The following PTPRN2 variants were observed in gnomAD, a reference collection of about 807,000 sequenced individuals.
PTPRN2 encodes protein tyrosine phosphatase receptor type N2, also known as receptor-type tyrosine-protein phosphatase N2.
In PTPRN2, 74 loss-of-function variants were observed where a neutral mutation model predicts 118.8. The ratio of observed to expected loss-of-function variants is 0.62; its 90% CI spans 0.52 to 0.76. PTPRN2 has a LOEUF of 0.76. PTPRN2 is among the 30% of genes least tolerant of loss of function. The probability of loss-of-function intolerance (pLI) is 0.00; values close to 1 mark genes in which losing one functional copy is unlikely to be tolerated. For synonymous variants in PTPRN2, 641 were observed against 608.0 expected, an observed-to-expected ratio of 1.05 and a Z score of -0.80; for missense variants, 1,481 against 1,394.4, an observed-to-expected ratio of 1.06 and a Z score of -0.99.
chr7:157,863,627 G>C (rs1415889429), intron 12 of PTPRN2: 1 of 152,264 alleles, frequency 6.6e-6, no homozygotes, highest in East Asian at 1.9e-4. Flanking sequence ...GTGATGGGCT[G>C]AATGCGCCCC....
intron 12 of PTPRN2, among the ~76,000 whole-genome samples, chr7:157,848,242 C>T (rs1286324685): frequency 1.4e-5 from 2 of 145,574 alleles, no homozygotes; most frequent in Admixed American, 1.4e-4. Flanking sequence ...TTTATAGAGC[C>T]CTCTTTCATT....
chr7:158,068,546 A>G lies in PTPRN2; in HGVS notation c.1723+12752T>C, dbSNP rs892148600. Among the ~76,000 whole-genome samples, 4 of 152,354 alleles carry G rather than the reference A, an allele frequency of 2.6e-5. No individual in the cohort carries two copies. In the South Asian group the frequency reaches 6.2e-4, roughly 24 times the overall value. ...TGGTACGGCTTCACTTTAAAAATGC[A>G]TCATCAAACCCCGCAAACCACTGGA... On this transcript the variant is annotated intron_variant, in intron 11 of 22. Coordinates refer to ENST00000389418, the MANE Select transcript of PTPRN2 (RefSeq NM_002847.5).
chr7:157,685,926 C>T (rs1797164863), intron 12 of PTPRN2, among the ~76,000 whole-genome samples: 1 of 152,098 alleles, frequency 6.6e-6, no homozygotes, highest in Non-Finnish European at 1.5e-5. Flanking sequence ...GGGTGGGAGC[C>T]GCCCCAGGCC....
intron 2 of PTPRN2, among the ~76,000 whole-genome samples, chr7:158,479,623 A>G (rs1247560235): frequency 1.3e-5 from 2 of 152,234 alleles, no homozygotes; most frequent in Admixed American, 1.3e-4. Flanking sequence ...GAAAAGCACA[A>G]TGGGTTTGAA....
chr7:158,085,257 A>T (rs1813228574), intron 10 of PTPRN2, among the ~76,000 whole-genome samples: 1 of 122,268 alleles, frequency 8.2e-6, no homozygotes, highest in Non-Finnish European at 1.7e-5. Flanking sequence ...ATCCACACCC[A>T]TGACACCCAT....
intron 1 of PTPRN2, among the ~76,000 whole-genome samples, chr7:158,496,247 G>T (rs1226807711): frequency 1.1e-5 from 1 of 93,054 alleles, no homozygotes; most frequent in Non-Finnish European, 2.1e-5. Flanking sequence ...CCCCTTCCCT[G>T]CACCCCTTCA....
chr7:158,352,202 CTCCCCTCCTGA>C lies in PTPRN2; in HGVS notation c.164-35281_164-35271del. Among the ~76,000 whole-genome samples the C allele has an allele frequency of 5.4e-4, 3 of 5,552 alleles. No individual in the cohort carries two copies. In the African/African-American group the frequency reaches 8.9e-3, roughly 17 times the overall value. 3.6% of individuals were successfully genotyped at this position (5,552 alleles called of 152,430 possible). On this transcript the variant is annotated intron_variant, in intron 2 of 22. Transcript: ENST00000389418. ...CTCCTGTCCGCTCCCCTCCTGACTG[CTCCCCTCCTGA>C]CTGCTCCCCTCCTGTCCGCTCCCCT...
intron 11 of PTPRN2, among the ~76,000 whole-genome samples, chr7:157,935,093 T>C (rs1413248945): frequency 3.3e-5 from 5 of 152,218 alleles, no homozygotes; most frequent in African/African-American, 1.2e-4. Flanking sequence ...CTATCTTTGG[T>C]ATTTTAGCAA....
intron 2 of PTPRN2, among the ~76,000 whole-genome samples, chr7:158,331,568 C>G (rs1171618166): frequency 3.5e-5 from 5 of 141,002 alleles, no homozygotes; most frequent in South Asian, 4.7e-4. Flanking sequence ...AGACGTCACT[C>G]ACACCCACAC....
chr7:158,410,398 A>T (rs1335522266), intron 2 of PTPRN2, among the ~76,000 whole-genome samples: 1 of 152,184 alleles, frequency 6.6e-6, no homozygotes, highest in East Asian at 1.9e-4. Context: ...GACTACAGAC[A>T]GGAGAATTAA....
At chr7:158,266,770 T>C (rs534525176) in intron 3 of PTPRN2, among the ~76,000 whole-genome samples, 54 of 152,220 alleles carry the variant, frequency 3.5e-4, no homozygotes, top group Non-Finnish European at 6.3e-4. Flanking sequence ...GTCTGATAAA[T>C]AATTCAAAGT....
At chr7:158,144,062 C>T (rs1231258634) in intron 6 of PTPRN2, among the ~76,000 whole-genome samples, 2 of 152,180 alleles carry the variant, frequency 1.3e-5, no homozygotes, top group Non-Finnish European at 2.9e-5. Context: ...GTTCCATTAA[C>T]CGTTCTTCTG....
chr7:157,910,573 G>A (rs895635678), intron 11 of PTPRN2, among the ~76,000 whole-genome samples: 2 of 152,376 alleles, frequency 1.3e-5, no homozygotes, highest in Non-Finnish European at 2.9e-5. Flanking sequence ...CACGTACACC[G>A]TTCTGCACAG....
At chr7:158,483,430 G>A (rs934738115) in intron 2 of PTPRN2, among the ~76,000 whole-genome samples, 20 of 152,276 alleles carry the variant, frequency 1.3e-4, no homozygotes, top group African/African-American at 4.6e-4. Flanking sequence ...TCCAAATAGG[G>A]TTAATCACAT....
chr7:158,448,114 G>A (rs1202617027), intron 2 of PTPRN2, among the ~76,000 whole-genome samples: 1 of 152,172 alleles, frequency 6.6e-6, no homozygotes, highest in Non-Finnish European at 1.5e-5. Context: ...TGCTTTCTGG[G>A]ACCACTCCCA....
rs1798321733 is a variant in PTPRN2, at chr7:158,270,806, T to TGGACCACCCCTC, written c.277+46012_277+46013insGAGGGGTGGTCC. Among the ~76,000 whole-genome samples, 10 of 6,414 alleles carry TGGACCACCCCTC rather than the reference T, an allele frequency of 1.6e-3. 1 individual carries two copies. The highest frequency in any genetic ancestry group is 3.3e-3 in the Non-Finnish European group (10 of 3,018). 4.2% of individuals were successfully genotyped at this position (6,414 alleles called of 152,430 possible). A position where few individuals can be genotyped will look rare whatever the true frequency, so the allele number is the denominator to read the frequency against. On this transcript the variant is annotated intron_variant, in intron 3 of 22. Coordinates refer to ENST00000389418, the MANE Select transcript of PTPRN2 (RefSeq NM_002847.5). ...CCACCCCTCCACCTGGACCACCCCC[T>TGGACCACCCCTC]CACCTGGACCGCCCCCTCCACCTGG...
intron 9 of PTPRN2, among the ~76,000 whole-genome samples, chr7:158,121,724 T>G (rs1817191190): frequency 2.0e-5 from 3 of 152,138 alleles, no homozygotes; most frequent in Admixed American, 2.0e-4. Flanking sequence ...AAGCCCAGAA[T>G]GTGTTTGTGA....
At chr7:157,572,005 T>G (rs1017132704) in intron 19 of PTPRN2, among the ~76,000 whole-genome samples, 7 of 152,368 alleles carry the variant, frequency 4.6e-5, no homozygotes, top group Admixed American at 4.6e-4. Flanking sequence ...ATATCTAAAT[T>G]ACGGAGAAAC....
At chr7:158,239,179 G>A (rs528290276) in intron 3 of PTPRN2, among the ~76,000 whole-genome samples, 16 of 152,300 alleles carry the variant, frequency 1.1e-4, no homozygotes, top group African/African-American at 2.4e-4. Flanking sequence ...GTTCCTCTGC[G>A]CCTTTTCCAA....
Sources: gnomAD v4.1 joint callset for allele counts (sites outside exome capture counted in the v4.1 genomes callset) on GRCh38, gnomAD v4.1.1 for gene constraint, MANE v1.5 for transcripts, NCBI Gene and HGNC (gene_info 2026-07-23, HGNC 2026-07-21) for gene names.